Variants in CACNA1C observed in about 807,000 individuals in gnomAD.
CACNA1C encodes voltage-dependent L-type calcium channel subunit alpha-1C.
In CACNA1C, 30 loss-of-function variants were observed where a neutral mutation model predicts 229.0. That is an observed-to-expected ratio of 0.13 (90% CI 0.10 to 0.18). The LOEUF is 0.18. Ranked by LOEUF, CACNA1C falls within the 10% of genes least tolerant of loss-of-function variation. The pLI, the probability that CACNA1C is intolerant of heterozygous loss-of-function variation, is 1.00. For synonymous variants in CACNA1C, 1,114 were observed against 1,132.5 expected (o/e 0.98, Z 0.33); for missense variants, 1,658 against 2,845.0 (o/e 0.58, Z 9.49).
rs1454393991 is a variant in CACNA1C at position 2,067,383 on chromosome 12, A to G, written c.49+13772A>G. 6.6e-6 allele frequency among the ~76,000 whole-genome samples: 1 copy of G among 151,584 alleles called. No homozygotes were observed. The highest frequency in any genetic ancestry group is 1.5e-5 in the Non-Finnish European group (1 of 67,912). On this transcript the variant is annotated intron_variant, in intron 1 of 46. Transcript: ENST00000399655. The surrounding 1 kb of genome is among the most constrained non-coding windows in gnomAD (Gnocchi z 5.3). ...GGAGCATAACAGGAAGAAGATGACAAAAGCCTGGGTGGTGGAGATGGTGGC... is the reference window on the plus strand; with the variant it reads ...GGAGCATAACAGGAAGAAGATGACAGAAGCCTGGGTGGTGGAGATGGTGGC...
chr12:2,244,664 G>T (rs1162592928), intron 3 of CACNA1C, among the ~76,000 whole-genome samples: 2 of 152,214 alleles, frequency 1.3e-5, no homozygotes, highest in Admixed American at 1.3e-4. Context: ...CCTTCCTAGA[G>T]CAGAGCCATC....
intron 3 of CACNA1C, among the ~76,000 whole-genome samples, chr12:2,351,120 G>A (rs974320491): frequency 6.6e-6 from 1 of 152,184 alleles, no homozygotes; most frequent in African/African-American, 2.4e-5. Flanking sequence ...ATTGACATTT[G>A]GGGATGGATA....
intron 3 of CACNA1C, among the ~76,000 whole-genome samples, chr12:2,270,555 G>A (rs2154417959): frequency 6.6e-6 from 1 of 152,258 alleles, no homozygotes; most frequent in East Asian, 1.9e-4. Flanking sequence ...TTTGAGTGGG[G>A]GCCACAGCAC....
At chr12:2,673,518 C>CAGA (rs1319942378) in intron 38 of CACNA1C, among the ~76,000 whole-genome samples, 1 of 150,972 alleles carries the variant, frequency 6.6e-6, no homozygotes, top group East Asian at 2.0e-4. Flanking sequence ...TTTTGCAGGT[C>CAGA]AGAAGTCCAG....
In CACNA1C at chr12:2,632,453, G is replaced by A. The variant is rs950654898; in HGVS notation, c.3829-1844G>A. On this transcript the variant is annotated intron_variant, in intron 29 of 46. Transcript: ENST00000399655. The surrounding 1 kb of genome is among the most constrained non-coding windows in gnomAD (Gnocchi z 4.1). ...TCTGCTAAAGAGTCCACTCATCCAG[G>A]ACACCTGGGGTCCTATAGGGCCTCT... Among the ~76,000 whole-genome samples, 1 of 152,132 alleles carries A rather than the reference G, an allele frequency of 6.6e-6. No homozygotes were observed. The highest frequency in any genetic ancestry group is 2.4e-5 in the African/African-American group (1 of 41,420).
At chr12:2,094,149 G>T (rs909768725) in intron 1 of CACNA1C, among the ~76,000 whole-genome samples, 43 of 152,230 alleles carry the variant, frequency 2.8e-4, no homozygotes, top group African/African-American at 1.0e-3. Context: ...AAAGAGCCTG[G>T]TATTCAAGGG....
chr12:2,381,649 C>T (rs61907797), intron 3 of CACNA1C, among the ~76,000 whole-genome samples: 1 of 152,154 alleles, frequency 6.6e-6, no homozygotes, highest in African/African-American at 2.4e-5. Flanking sequence ...CCCTGAAGAC[C>T]ATTTCCACTA....
At chr12:2,151,544 C>A (rs1033348297) in intron 3 of CACNA1C, among the ~76,000 whole-genome samples, 1 of 152,200 alleles carries the variant, frequency 6.6e-6, no homozygotes, top group Non-Finnish European at 1.5e-5. Flanking sequence ...CTATCACATA[C>A]ATTTCAGTAG....
intron 5 of CACNA1C, among the ~76,000 whole-genome samples, chr12:2,473,326 C>A (rs1399152613): frequency 2.6e-5 from 4 of 152,168 alleles, no homozygotes; most frequent in Non-Finnish European, 4.4e-5. Context: ...GATGTCCCAC[C>A]ACAGCCACTT....
chr12:2,652,143 T>A (rs932308646), intron 32 of CACNA1C, among the ~76,000 whole-genome samples: 3 of 152,354 alleles, frequency 2.0e-5, no homozygotes, highest in Admixed American at 2.0e-4. Flanking sequence ...GTGACCGCTA[T>A]GGCCCTTCGA....
At chr12:2,264,506 C>T (rs2081553462) in intron 3 of CACNA1C, among the ~76,000 whole-genome samples, 1 of 152,236 alleles carries the variant, frequency 6.6e-6, no homozygotes, top group South Asian at 2.1e-4. Context: ...AGCTTCATGA[C>T]CTAGGGCAAA....
intron 30 of CACNA1C, among the ~76,000 whole-genome samples, chr12:2,641,116 G>C (rs2093645768): frequency 6.6e-6 from 1 of 152,206 alleles, no homozygotes; most frequent in African/African-American, 2.4e-5. Context: ...GAGGAAGGAG[G>C]GTAGAGAGAT....
intron 10 of CACNA1C, among the ~76,000 whole-genome samples, chr12:2,554,811 TG>T (rs2043175767): frequency 6.6e-6 from 1 of 152,186 alleles, no homozygotes; most frequent in Non-Finnish European, 1.5e-5. Flanking sequence ...GAGTTTTCCC[TG>T]GCCTCCAGAC....
intron 3 of CACNA1C, among the ~76,000 whole-genome samples, chr12:2,235,363 T>C (rs1215303485): frequency 1.3e-5 from 2 of 152,194 alleles, no homozygotes; most frequent in African/African-American, 4.8e-5. Flanking sequence ...TTTTCTCCCC[T>C]CTGCACCCAG....
chr12:2,556,821 C>A, intron 10 of CACNA1C, 130 bp from the exon 11 acceptor site: 1 of 766,704 alleles, frequency 1.3e-6, no homozygotes, highest in South Asian at 1.4e-5. Context: ...TGTTCTAGTT[C>A]ACACCATGCC....
At chr12:2,452,147 A>G (rs10744563) in intron 4 of CACNA1C, among the ~76,000 whole-genome samples, 73,228 of 151,894 alleles carry the variant, frequency 0.48, 18,205 homozygotes, top group East Asian at 0.72. Context: ...AGCCTAACTC[A>G]CCCTAGAGAA....
At chr12:2,240,372 G>C (rs1054570270) in intron 3 of CACNA1C, among the ~76,000 whole-genome samples, 5 of 152,232 alleles carry the variant, frequency 3.3e-5, no homozygotes, top group African/African-American at 1.2e-4. Context: ...GTCCTAAAAA[G>C]TAGAGAGGTT....
intron 3 of CACNA1C, among the ~76,000 whole-genome samples, chr12:2,312,602 T>C (rs577638144): frequency 6.6e-6 from 1 of 152,306 alleles, no homozygotes; most frequent in South Asian, 2.1e-4. Context: ...CTAACCACCC[T>C]GGGTGTCTGC....
At position 2,630,620 on chromosome 12, in the gene CACNA1C, G is replaced by A. The variant is rs1048432774; in HGVS notation, c.3829-3677G>A. On this transcript the variant is annotated intron_variant, in intron 29 of 46. Coordinates refer to ENST00000399655, the MANE Select transcript of CACNA1C (RefSeq NM_000719.7). This position sits in a 1 kb window ranked among gnomAD's most constrained non-coding sequence, Gnocchi z 5.4. ...GAGGGGCTCTGGGCACCAAAGGCAG[G>A]ACGGTGGGAGGATGGGTCAGGGTGA... 1.3e-5 allele frequency among the ~76,000 whole-genome samples: 2 copies of A among 152,172 alleles called. No homozygotes were observed. The highest frequency in any genetic ancestry group is 2.9e-5 in the Non-Finnish European group (2 of 68,016).
Sources: gnomAD v4.1 joint callset for allele counts (sites outside exome capture counted in the v4.1 genomes callset) on GRCh38, gnomAD v4.1.1 for gene constraint, Gnocchi (gnomAD v3.1) non-coding constraint, MANE v1.5 for transcripts, NCBI Gene and HGNC (gene_info 2026-07-23, HGNC 2026-07-21) for gene names.